The following MICB variants were observed in gnomAD, a reference collection of about 807,000 sequenced individuals.
The protein encoded by MICB is MHC class I polypeptide-related sequence B.
In MICB, 27 loss-of-function variants were observed where a neutral mutation model predicts 34.3. That is an observed-to-expected ratio of 0.79 (90% CI 0.58 to 1.08). The LOEUF (loss-of-function observed/expected upper bound fraction) is 1.08. Ranked by LOEUF, MICB falls within the 50% of genes least tolerant of loss-of-function variation. The pLI, the probability that MICB is intolerant of heterozygous loss-of-function variation, is 0.00. For missense variants in MICB, 426 were observed against 483.1 expected, an observed-to-expected ratio of 0.88 and a Z score of 1.11; for synonymous variants, 153 against 187.4, an observed-to-expected ratio of 0.82 and a Z score of 1.50.
chr6:31,498,769 C>A, intron 1 of MICB: 1 of 159,090 alleles, frequency 6.3e-6, no homozygotes. Context: ...GCCCGACCTC[C>A]TGTCTCCTTT....
intron 1 of MICB, 78 bp downstream of exon 1, chr6:31,498,341 G>T: frequency 7.9e-7 from 1 of 1,267,424 alleles, no homozygotes; most frequent in Non-Finnish European, 1.1e-6. Flanking sequence ...GTTGCCGCGA[G>T]CGCTGTGCGG....
upstream of MICB, chr6:31,498,048 A>T (rs557397960): frequency 4.3e-6 from 2 of 462,762 alleles, no homozygotes; most frequent in Non-Finnish European, 7.2e-6. Context: ...TCCACTCATG[A>T]TTGGCCCTAA....
At chr6:31,495,432 G>A (rs1425916465), upstream of MICB, among the ~76,000 whole-genome samples, 1 of 152,046 alleles carries the variant, frequency 6.6e-6, no homozygotes, top group Non-Finnish European at 1.5e-5. Flanking sequence ...CTTTAGCAGT[G>A]AAAATAATCT....
chr6:31,506,458 G>C, intron 3 of MICB, 28 bp downstream of exon 3: 2 of 1,603,366 alleles, frequency 1.2e-6, no homozygotes, highest in Non-Finnish European at 8.5e-7. Context: ...GGGCTCTACT[G>C]TTCCCGCAAT....
intron 1 of MICB, among the ~76,000 whole-genome samples, chr6:31,502,494 T>G (rs9267401): frequency 0.34 from 51,431 of 152,130 alleles, 8,836 homozygotes; most frequent in East Asian, 0.46. Context: ...TATTTTATTT[T>G]ATTTGTAGCT....
intron 1 of MICB, among the ~76,000 whole-genome samples, chr6:31,504,408 C>G (rs1480840002): frequency 2.0e-5 from 3 of 151,390 alleles, no homozygotes; most frequent in Non-Finnish European, 4.4e-5. Context: ...TACAGGCGCC[C>G]GCCACCACAC....
intron 3 of MICB, 35 bp downstream of exon 3, chr6:31,506,465 C>T: frequency 4.4e-6 from 7 of 1,598,720 alleles, no homozygotes; most frequent in Non-Finnish European, 5.1e-6. Flanking sequence ...ACTGTTCCCG[C>T]AATTCTGCTA....
upstream of MICB, among the ~76,000 whole-genome samples, chr6:31,497,829 G>A (rs1343319972): frequency 6.6e-6 from 1 of 152,166 alleles, no homozygotes; most frequent in African/African-American, 2.4e-5. Context: ...GGGAATGCGG[G>A]GATGGGGTGG....
At chr6:31,504,261 T>C (rs1446958891) in intron 1 of MICB, among the ~76,000 whole-genome samples, 3 of 110,418 alleles carry the variant, frequency 2.7e-5, no homozygotes, top group African/African-American at 7.3e-5. Context: ...TTTCTTTTTT[T>C]TTTTTTTTTT....
chr6:31,498,942 G>C (rs1293213720), intron 1 of MICB, among the ~76,000 whole-genome samples: 1 of 151,660 alleles, frequency 6.6e-6, no homozygotes, highest in Non-Finnish European at 1.5e-5. Context: ...GGCCGTTCCA[G>C]CGCGGCCGCT....
intron 1 of MICB, among the ~76,000 whole-genome samples, chr6:31,499,604 G>T (rs536143457): frequency 1.3e-5 from 2 of 152,242 alleles, no homozygotes; most frequent in African/African-American, 4.8e-5. Context: ...GAGCCCTGAT[G>T]CTAATGGCAG....
chr6:31,498,376 T>C, intron 1 of MICB, 113 bp downstream of exon 1: 1 of 756,632 alleles, frequency 1.3e-6, no homozygotes, highest in Non-Finnish European at 1.9e-6. Context: ...AGGTGTGCTG[T>C]CTGGAGTGCA....
chr6:31,507,397 C>G lies in MICB; in HGVS notation c.893-3C>G, dbSNP rs368095298. ...CAGTGTATAACAAGTCCCTTTTTTT[C>G]AGGGAAGGCGCTGGTGCTTCAGAGT... On this transcript the variant is annotated splice_polypyrimidine_tract_variant and splice_region_variant and intron_variant, in intron 4 of 5. Coordinates refer to ENST00000252229, the MANE Select transcript of MICB (RefSeq NM_005931.5). This position sits in a 1 kb window ranked among gnomAD's most constrained non-coding sequence, Gnocchi z 6.0. 1.6e-4 allele frequency: 261 copies of G among 1,612,102 alleles called. No individual in the cohort carries two copies. Among genetic ancestry groups the G allele is most frequent in the Non-Finnish European group, 2.4e-5 (28 of 1,179,490 alleles).
At chr6:31,501,634 T>G (rs1765023307) in intron 1 of MICB, among the ~76,000 whole-genome samples, 1 of 152,240 alleles carries the variant, frequency 6.6e-6, no homozygotes, top group African/African-American at 2.4e-5. Context: ...GGGTCCAGTT[T>G]CATTCTTCTG....
chr6:31,508,330 T>C (rs536949977), intron 5 of MICB, among the ~76,000 whole-genome samples: 3 of 152,230 alleles, frequency 2.0e-5, no homozygotes, highest in East Asian at 3.9e-4. Context: ...CAGAAGCATT[T>C]CCCCCACAGT....
At position 31,507,306 on chromosome 6, in the gene MICB, C is replaced by A. The variant is rs1027709719; in HGVS notation, c.892+6C>A. 1.9e-6 allele frequency: 3 copies of A among 1,583,400 alleles called. No homozygotes were observed. The African/African-American group carries it at 4.0e-5, about 21-fold the overall frequency. On this transcript the variant is annotated splice_donor_region_variant and intron_variant, in intron 4 of 5. Coordinates refer to ENST00000252229, the MANE Select transcript of MICB (RefSeq NM_005931.5). The surrounding 1 kb of genome is among the most constrained non-coding windows in gnomAD (Gnocchi z 6.0). ...CACTCACCCTGTGCCCTCTGGTGAG[C>A]CTGGGGTGACCCTGGAGAGGGTCAG...
intron 1 of MICB, among the ~76,000 whole-genome samples, chr6:31,505,267 T>A (rs1765237868): frequency 1.3e-5 from 2 of 152,042 alleles, no homozygotes; most frequent in Non-Finnish European, 2.9e-5. Flanking sequence ...ATTCCCACTG[T>A]CCCCTCTGGC....
In MICB at chr6:31,505,494, G is replaced by A. The variant is rs567146058; in HGVS notation, c.71-123G>A. ...CCTTGTATATGAAATCTTCGTTCTT[G>A]TCCTTTTGCCCATGCGCATTTCCTG... is the stretch of plus-strand genomic sequence containing the variant. On this transcript the variant is annotated intron_variant, in intron 1 of 5. Coordinates refer to ENST00000252229, the MANE Select transcript of MICB (RefSeq NM_005931.5). The A allele has an allele frequency of 5.8e-6, 8 of 1,378,252 alleles. No homozygotes were observed. In the South Asian group the frequency reaches 1.1e-4, roughly 19 times the overall value. The allele number at this position is 1,378,252 out of a possible 1,614,324, so 85.4% of individuals were successfully genotyped here. A position where few individuals can be genotyped will look rare whatever the true frequency, so the allele number is the denominator to read the frequency against.
At chr6:31,498,078 A>T, upstream of MICB, 2 of 748,674 alleles carry the variant, frequency 2.7e-6, no homozygotes, top group Non-Finnish European at 4.0e-6. Flanking sequence ...CTCAGTTTTC[A>T]CTGGATAAGC....
Sources: allele counts gnomAD v4.1 joint callset (sites outside exome capture counted in the v4.1 genomes callset), GRCh38; gene constraint gnomAD v4.1.1; non-coding constraint Gnocchi (gnomAD v3.1); transcripts MANE v1.5; gene names NCBI Gene and HGNC (gene_info 2026-07-23, HGNC 2026-07-21).